Variants in SNAP23 observed in about 807,000 individuals in gnomAD.
The protein encoded by SNAP23 is synaptosomal-associated protein 23.
SNAP23 carries 11 observed loss-of-function variants against 29.0 expected under a neutral mutation model. The ratio of observed to expected loss-of-function variants is 0.38; its 90% CI spans 0.24 to 0.63. SNAP23 has a LOEUF of 0.63. Among genes scored for constraint, SNAP23 ranks in the 20% least tolerant of loss-of-function variants. The probability of loss-of-function intolerance (pLI) is 0.58; values close to 1 mark genes in which losing one functional copy is unlikely to be tolerated. For missense variants in SNAP23, 220 were observed against 253.9 expected (o/e 0.87, Z 0.91); for synonymous variants, 60 against 82.9 (o/e 0.72, Z 1.50).
chr15:42,515,006 C>G (rs960479861), intron 4 of SNAP23, among the ~76,000 whole-genome samples: 14 of 152,122 alleles, frequency 9.2e-5, no homozygotes, highest in African/African-American at 3.4e-4. Context: ...CAGCCATATA[C>G]AAGCTTTTTA....
At chr15:42,493,332 TTCTC>T (rs376287295), upstream of SNAP23, among the ~76,000 whole-genome samples, 92 of 150,420 alleles carry the variant, frequency 6.1e-4, 1 homozygote, top group Middle Eastern at 3.4e-3. Flanking sequence ...GAGCAAGACC[TTCTC>T]TCTCTCTCTC....
chr15:42,509,850 C>G (rs2057346592), intron 1 of SNAP23, among the ~76,000 whole-genome samples: 1 of 152,094 alleles, frequency 6.6e-6, no homozygotes, highest in African/African-American at 2.4e-5. Flanking sequence ...GGATAGATCA[C>G]CTGAGGTCTG....
At chr15:42,529,887 G>A in intron 7 of SNAP23, 68 bp downstream of exon 7, 1 of 1,523,612 alleles carries the variant, frequency 6.6e-7, no homozygotes, top group South Asian at 1.2e-5. Flanking sequence ...AGACATCTGT[G>A]CTAGATACTG....
Position 42,531,619 on chromosome 15 carries a change from C to A in SNAP23, c.*141C>A. ...GGAAGAAGGGCCAGAGCAGTTACAG[C>A]CCTCCTTCTTTTTTGTTTTCTGTTG... On this transcript the variant is annotated 3_prime_UTR_variant, in exon 8 of 8. Coordinates refer to ENST00000249647, the MANE Select transcript of SNAP23 (RefSeq NM_003825.4). The A allele has an allele frequency of 3.6e-6, 2 of 549,722 alleles. No individual in the cohort carries two copies. The highest frequency in any genetic ancestry group is 6.2e-6 in the Non-Finnish European group (2 of 320,510). 34.1% of individuals were successfully genotyped at this position (549,722 alleles called of 1,614,324 possible). A position where few individuals can be genotyped will look rare whatever the true frequency, so the allele number is the denominator to read the frequency against.
In SNAP23 at chr15:42,531,578, A is replaced by G. The variant is rs772281385; in HGVS notation, c.*100A>G. On this transcript the variant is annotated 3_prime_UTR_variant, in exon 8 of 8. Coordinates refer to ENST00000249647, the MANE Select transcript of SNAP23 (RefSeq NM_003825.4). The stretch of plus-strand genomic sequence containing the variant: ...TAAGTTTTCGGTTCCACGCTCTTCT[A>G]ATTGGGAGATAATATGGAAGAAGGG... 4 of 845,754 alleles carry G rather than the reference A, an allele frequency of 4.7e-6. No homozygotes were observed. In the East Asian group the frequency reaches 8.0e-5, roughly 17 times the overall value. The allele number at this position is 845,754 out of a possible 1,614,324, so 52.4% of individuals were successfully genotyped here.
chr15:42,503,035 T>A (rs2141506781), intron 1 of SNAP23, among the ~76,000 whole-genome samples: 1 of 152,296 alleles, frequency 6.6e-6, no homozygotes, highest in Admixed American at 6.5e-5. Flanking sequence ...GTGATCCTCC[T>A]GCCTCAGCTT....
intron 1 of SNAP23, among the ~76,000 whole-genome samples, chr15:42,499,353 T>G (rs1228078840): frequency 1.3e-5 from 2 of 152,188 alleles, no homozygotes; most frequent in Non-Finnish European, 2.9e-5. Flanking sequence ...ATTACAGGCG[T>G]GAGCCACCGC....
At chr15:42,526,069 T>C (rs762658758) in intron 5 of SNAP23, among the ~76,000 whole-genome samples, 60 of 152,156 alleles carry the variant, frequency 3.9e-4, no homozygotes, top group Non-Finnish European at 5.9e-4. Context: ...ATTAGTTACT[T>C]TGGAATTTCA....
intron 3 of SNAP23, 136 bp downstream of exon 3, chr15:42,513,132 A>G: frequency 2.5e-6 from 2 of 790,212 alleles, no homozygotes; most frequent in Non-Finnish European, 4.4e-6. Context: ...TGAAATGTCA[A>G]ACCATGCACT....
upstream of SNAP23, chr15:42,492,837 T>C (rs1343081201): frequency 6.6e-6 from 1 of 152,254 alleles, no homozygotes; most frequent in Non-Finnish European, 1.5e-5. Flanking sequence ...TGTGGTACGC[T>C]GCTCATTCTA....
At chr15:42,513,232 G>A in intron 3 of SNAP23, 167 bp from the exon 4 acceptor site, 1 of 755,940 alleles carries the variant, frequency 1.3e-6, no homozygotes. Context: ...ATTATTTTGG[G>A]GGCTGCTATG....
intron 1 of SNAP23, 45 bp from the exon 2 acceptor site, chr15:42,511,788 C>T: frequency 8.3e-7 from 1 of 1,200,798 alleles, no homozygotes; most frequent in Admixed American, 2.2e-5. Context: ...TTTATATATC[C>T]TTATTCTTAT....
intron 5 of SNAP23, among the ~76,000 whole-genome samples, chr15:42,526,868 C>T (rs996927380): frequency 6.1e-5 from 9 of 146,880 alleles, no homozygotes; most frequent in Non-Finnish European, 9.0e-5. Context: ...TGGAGTGTCT[C>T]GCTCTGTTGC....
chr15:42,528,015 A>C, intron 5 of SNAP23: 1 of 398,088 alleles, frequency 2.5e-6, no homozygotes, highest in East Asian at 4.0e-5. Context: ...CTAACAGCCT[A>C]GTGAAGATTT....
chr15:42,528,021 G>A (rs2057519694), intron 5 of SNAP23: 1 of 412,086 alleles, frequency 2.4e-6, no homozygotes, highest in African/African-American at 2.0e-5. Flanking sequence ...GCCTAGTGAA[G>A]ATTTGGTAGA....
At chr15:42,500,088 A>G (rs1027358824) in intron 1 of SNAP23, among the ~76,000 whole-genome samples, 1 of 152,166 alleles carries the variant, frequency 6.6e-6, no homozygotes, top group Non-Finnish European at 1.5e-5. Flanking sequence ...AGGCTCCTGT[A>G]GATTAAAATA....
At chr15:42,497,455 G>A (rs567260601) in intron 1 of SNAP23, among the ~76,000 whole-genome samples, 4 of 151,600 alleles carry the variant, frequency 2.6e-5, no homozygotes, top group Admixed American at 6.6e-5. Context: ...GTTATCCACC[G>A]GCCTCCGCCT....
intron 5 of SNAP23, among the ~76,000 whole-genome samples, chr15:42,520,284 C>G (rs972434128): frequency 1.3e-5 from 2 of 150,730 alleles, no homozygotes; most frequent in Admixed American, 1.3e-4. Context: ...CTCCTGACCA[C>G]GTGATCCATC....
chr15:42,515,324 G>T lies in SNAP23; in HGVS notation c.236G>T (p.Cys79Phe), dbSNP rs759281386. 1.9e-6 allele frequency: 3 copies of T among 1,611,480 alleles called. No individual in the cohort carries two copies. In the Admixed American group the frequency reaches 5.0e-5, roughly 27 times the overall value. Residue 79 changes from cysteine (C) to phenylalanine (F), a missense_variant, in exon 5 of 8, where the codon TGC (cysteine) becomes TTC (phenylalanine). By Grantham distance (205) the Cys-to-Phe change is radical. Transcript: ENST00000249647. ...TEKTLTELNKCCGLCVCPCNR... is the reference protein window; with the variant it reads ...TEKTLTELNKFCGLCVCPCNR... The stretch of plus-strand genomic sequence containing the variant: ...AAGACTTTAACAGAACTCAACAAAT[G>T]CTGTGGCCTTTGTGTCTGCCCATGT...
Sources: gnomAD v4.1 joint callset for allele counts (sites outside exome capture counted in the v4.1 genomes callset) on GRCh38, gnomAD v4.1.1 for gene constraint, MANE v1.5 for transcripts, NCBI Gene and HGNC (gene_info 2026-07-23, HGNC 2026-07-21) for gene names.